Variants in PHF12 observed in about 807,000 individuals in gnomAD.
The protein encoded by PHF12 is PHD finger protein 12.
PHF12 carries 6 observed loss-of-function variants against 99.8 expected under a neutral mutation model. The ratio of observed to expected loss-of-function variants is 0.06; its 90% CI spans 0.03 to 0.12. The LOEUF is 0.12. Ranked by LOEUF, PHF12 falls within the 10% of genes least tolerant of loss-of-function variation. The pLI, the probability that PHF12 is intolerant of heterozygous loss-of-function variation, is 1.00. For synonymous variants in PHF12, 480 were observed against 514.9 expected (o/e 0.93, Z 0.92); for missense variants, 954 against 1,300.1 (o/e 0.73, Z 4.09).
chr17:28,941,564 A>T (rs2040616782), intron 2 of PHF12, among the ~76,000 whole-genome samples: 1 of 152,180 alleles, frequency 6.6e-6, no homozygotes, highest in South Asian at 2.1e-4. Context: ...AGCACATTTT[A>T]ATTGACCTGA....
At chr17:28,941,781 AT>A (rs1321068778) in intron 2 of PHF12, among the ~76,000 whole-genome samples, 10 of 151,978 alleles carry the variant, frequency 6.6e-5, no homozygotes, top group Non-Finnish European at 8.8e-5. Context: ...CTAATTTTGT[AT>A]TTTTAGTAGA....
At chr17:28,933,703 T>C (rs561136531) in intron 2 of PHF12, among the ~76,000 whole-genome samples, 35 of 152,208 alleles carry the variant, frequency 2.3e-4, no homozygotes, top group African/African-American at 8.2e-4. Flanking sequence ...ATGTACTAGG[T>C]ACCACACTGA....
chr17:28,926,695 G>C lies in PHF12; in HGVS notation c.321+296C>G, dbSNP rs1316100851. On this transcript the variant is annotated intron_variant, in intron 3 of 14. Transcript: ENST00000332830. Reference sequence around the variant, plus strand: ...GAAGCAGCCTTTGTTTTTCAGCCATGGATAAGGCCACTTATTAGGAGGACA... The same window carrying C: ...GAAGCAGCCTTTGTTTTTCAGCCATCGATAAGGCCACTTATTAGGAGGACA... 1.5e-5 allele frequency: 16 copies of C among 1,102,630 alleles called. No individual in the cohort carries two copies. The East Asian group carries it at 6.0e-4, about 41-fold the overall frequency. The allele number at this position is 1,102,630 out of a possible 1,614,324, so 68.3% of individuals were successfully genotyped here. A position where few individuals can be genotyped will look rare whatever the true frequency, so the allele number is the denominator to read the frequency against.
chr17:28,921,950 G>T, intron 4 of PHF12, 142 bp from the exon 5 acceptor site: 1 of 1,162,740 alleles, frequency 8.6e-7, no homozygotes, highest in Non-Finnish European at 1.2e-6. Flanking sequence ...GGCCCCTGGG[G>T]TTGATTTTAA....
chr17:28,917,601 G>T, intron 6 of PHF12, 152 bp from the exon 7 acceptor site: 1 of 813,326 alleles, frequency 1.2e-6, no homozygotes. Flanking sequence ...TTGTCAGAGA[G>T]CAAGGGAACA....
At chr17:28,924,557 C>G in intron 3 of PHF12, 1 of 547,574 alleles carries the variant, frequency 1.8e-6, no homozygotes, top group Admixed American at 3.1e-5. Flanking sequence ...AAATATATAT[C>G]ATTAACATTA....
At position 28,926,977 on chromosome 17, in the gene PHF12, A is replaced by C; in HGVS notation, c.321+14T>G. 1 of 1,613,816 alleles carries C rather than the reference A, an allele frequency of 6.2e-7. No homozygotes were observed. Among genetic ancestry groups the C allele is most frequent in the Non-Finnish European group, 8.5e-7 (1 of 1,179,674 alleles). On this transcript the variant is annotated intron_variant, in intron 3 of 14. Coordinates refer to ENST00000332830, the MANE Select transcript of PHF12 (RefSeq NM_001033561.2). ...CAGGCTTTCTGGACAGTCTTCAGAA[A>C]GCAGCATTATTACCTTTCGGCGAAC...
rs2040631222 is a variant in PHF12, at chr17:28,942,273, T to C, written c.248+7792A>G. Reference sequence around the variant, plus strand: ...TAGGTTAAGACTAAAAAATAAAAAATAGAGGCTGAGGCAGGAGGATCGGTT... The same window carrying C: ...TAGGTTAAGACTAAAAAATAAAAAACAGAGGCTGAGGCAGGAGGATCGGTT... On this transcript the variant is annotated intron_variant, in intron 2 of 14. Transcript: ENST00000332830. 3.9e-5 allele frequency among the ~76,000 whole-genome samples: 6 copies of C among 152,104 alleles called. No homozygotes were observed. The South Asian group carries it at 1.2e-3, about 32-fold the overall frequency.
intron 9 of PHF12, chr17:28,911,490 T>C: frequency 2.2e-6 from 1 of 449,050 alleles, no homozygotes; most frequent in South Asian, 3.1e-5. Context: ...CTGGGGAAAG[T>C]GGTGGGGCAG....
intron 2 of PHF12, among the ~76,000 whole-genome samples, chr17:28,935,033 C>T (rs1282344120): frequency 6.6e-6 from 1 of 152,198 alleles, no homozygotes; most frequent in Non-Finnish European, 1.5e-5. Context: ...AGCCAAGGAC[C>T]TCTACTTTAT....
chr17:28,948,259 T>C (rs1463416013), intron 2 of PHF12, among the ~76,000 whole-genome samples: 1 of 152,192 alleles, frequency 6.6e-6, no homozygotes, highest in East Asian at 1.9e-4. Flanking sequence ...AGTCTACAAC[T>C]CAGTCCTGGT....
chr17:28,950,838 G>A lies in PHF12; in HGVS notation c.66+57C>T. 3 of 1,603,620 alleles carry A rather than the reference G, an allele frequency of 1.9e-6. No individual in the cohort carries two copies. Among genetic ancestry groups the A allele is most frequent in the Non-Finnish European group, 2.6e-6 (3 of 1,173,678 alleles). On this transcript the variant is annotated intron_variant, in intron 1 of 14. Coordinates refer to ENST00000332830, the MANE Select transcript of PHF12 (RefSeq NM_001033561.2). The surrounding 1 kb of genome is among the most constrained non-coding windows in gnomAD (Gnocchi z 5.7). ...AGTTTAGGACTGGCTTTGTGGGGCG[G>A]AGGGCGGAGGTTCCCTCCCGGCGCT...
chr17:28,916,202 CT>C (rs973106015), intron 7 of PHF12, among the ~76,000 whole-genome samples: 2 of 151,440 alleles, frequency 1.3e-5, no homozygotes, highest in Non-Finnish European at 1.5e-5. Context: ...TGTGACTGAC[CT>C]TTTTTTTTGA....
chr17:28,907,664 T>C lies in PHF12; in HGVS notation c.2467A>G (p.Met823Val), dbSNP rs981125052. The change falls in exon 13 of 15, where the codon ATG (methionine) becomes GTG (valine). Residue 823 changes from methionine (M) to valine (V), a missense_variant. By Grantham distance (21) the Met-to-Val change is conservative. This residue lies in a region of PHF12 where 143 missense variants were observed against 191.8 expected (regional missense o/e 0.75). Transcript: ENST00000332830. The stretch of plus-strand genomic sequence containing the variant: ...CCATAGTTTGTAAGGCACACATCCA[T>C]GTCAGCTCCTGCAAGGTGGCAGGAG... ...RTLYIGTGAD[M>V]DVCLTNYGHC... 2 of 1,613,568 alleles carry C rather than the reference T, an allele frequency of 1.2e-6. No individual in the cohort carries two copies. The highest frequency in any genetic ancestry group is 1.7e-6 in the Non-Finnish European group (2 of 1,179,650).
chr17:28,929,512 T>G (rs2040356477), intron 2 of PHF12, among the ~76,000 whole-genome samples: 1 of 152,216 alleles, frequency 6.6e-6, no homozygotes, highest in African/African-American at 2.4e-5. Context: ...CCCAAAGTGC[T>G]GGGTGTACAG....
In PHF12 at chr17:28,950,692, CG is replaced by C. The variant is rs956393674; in HGVS notation, c.66+202del. The C allele has an allele frequency of 7.4e-5, 50 of 676,160 alleles. No homozygotes were observed. Among genetic ancestry groups the C allele is most frequent in the Non-Finnish European group, 1.0e-4 (45 of 441,948 alleles). 41.9% of individuals were successfully genotyped at this position (676,160 alleles called of 1,614,324 possible). On this transcript the variant is annotated intron_variant, in intron 1 of 14. Transcript: ENST00000332830. This position sits in a 1 kb window ranked among gnomAD's most constrained non-coding sequence, Gnocchi z 5.7. ...CCTCGGGAGAGCGAATCGAGGGCGGCGGGTAGGTGAAACTGCTGCAAACGTC... is the reference window on the plus strand; with the variant it reads ...CCTCGGGAGAGCGAATCGAGGGCGGCGGTAGGTGAAACTGCTGCAAACGTC...
intron 2 of PHF12, among the ~76,000 whole-genome samples, chr17:28,935,014 T>C (rs1345745630): frequency 6.6e-6 from 1 of 152,226 alleles, no homozygotes; most frequent in Non-Finnish European, 1.5e-5. Context: ...GGTAGCTTTT[T>C]AGCCAACAAG....
chr17:28,929,235 A>G (rs1598145988), intron 2 of PHF12, among the ~76,000 whole-genome samples: 1 of 151,982 alleles, frequency 6.6e-6, no homozygotes, highest in East Asian at 1.9e-4. Context: ...TGGTAAAAAA[A>G]AAAAAAAATT....
intron 2 of PHF12, among the ~76,000 whole-genome samples, chr17:28,931,049 A>T (rs548808862): frequency 6.6e-6 from 1 of 152,168 alleles, no homozygotes; most frequent in African/African-American, 2.4e-5. Context: ...CAACAGAGTG[A>T]GACCCTGTCT....
Sources: gnomAD v4.1 joint callset for allele counts (sites outside exome capture counted in the v4.1 genomes callset) on GRCh38, gnomAD v4.1.1 for gene constraint, gnomAD v4.1.1 regional missense constraint, Gnocchi (gnomAD v3.1) non-coding constraint, MANE v1.5 for transcripts, NCBI Gene and HGNC (gene_info 2026-07-23, HGNC 2026-07-21) for gene names.